The following SHISA9 variants were observed in gnomAD, a reference collection of about 807,000 sequenced individuals.
SHISA9 encodes shisa family member 9.
In SHISA9, 13 loss-of-function variants were observed where a neutral mutation model predicts 38.0. That is an observed-to-expected ratio of 0.34 (90% CI 0.22 to 0.54). The LOEUF is 0.54. Ranked by LOEUF, SHISA9 falls within the 20% of genes least tolerant of loss-of-function variation. The probability of loss-of-function intolerance (pLI) is 0.91; values close to 1 mark genes in which losing one functional copy is unlikely to be tolerated. For missense variants in SHISA9, 538 were observed against 575.8 expected (o/e 0.93, Z 0.67); for synonymous variants, 275 against 242.0 (o/e 1.14, Z -1.27).
the SHISA9 span, among the ~76,000 whole-genome samples, chr16:13,316,221 G>T: frequency 6.6e-6 from 1 of 152,134 alleles, no homozygotes; most frequent in African/African-American, 2.4e-5. Flanking sequence ...GTGGCTTTGT[G>T]TTGGAAATTG....
intron 2 of SHISA9, among the ~76,000 whole-genome samples, chr16:13,038,174 G>A (rs1197074401): frequency 6.6e-6 from 1 of 152,132 alleles, no homozygotes; most frequent in Non-Finnish European, 1.5e-5. Flanking sequence ...ATTTTTAGTA[G>A]AGACAGGGTT....
At chr16:13,166,229 T>A (rs1029006710) in intron 2 of SHISA9, among the ~76,000 whole-genome samples, 2 of 152,212 alleles carry the variant, frequency 1.3e-5, no homozygotes, top group African/African-American at 4.8e-5. Context: ...ACGTCAGACT[T>A]CTAAGAGTTT....
At chr16:13,551,795 G>A in the SHISA9 span, among the ~76,000 whole-genome samples, 11 of 152,296 alleles carry the variant, frequency 7.2e-5, no homozygotes, top group Admixed American at 3.3e-4. Flanking sequence ...TTGGGAGGCC[G>A]AGGTGGGCAG....
At chr16:13,377,921 T>A in the SHISA9 span, among the ~76,000 whole-genome samples, 2 of 152,128 alleles carry the variant, frequency 1.3e-5, no homozygotes, top group Admixed American at 1.3e-4. Flanking sequence ...TAGTCCCAGC[T>A]ACCTGGGAGG....
At chr16:13,434,419 G>GTTTTTTTTTTTTGTTTT in the SHISA9 span, among the ~76,000 whole-genome samples, 1 of 64,566 alleles carries the variant, frequency 1.5e-5, no homozygotes, top group Non-Finnish European at 3.2e-5. Context: ...GACAAGCTAT[G>GTTTTTTTTTTTTGTTTT]TTTTTTTTTT....
chr16:13,114,442 G>T (rs897548669), intron 2 of SHISA9, among the ~76,000 whole-genome samples: 1 of 147,692 alleles, frequency 6.8e-6, no homozygotes, highest in Non-Finnish European at 1.5e-5. Flanking sequence ...CTCCAGCCTG[G>T]GTGGCAGAGT....
the SHISA9 span, among the ~76,000 whole-genome samples, chr16:13,400,315 C>T: frequency 3.3e-5 from 5 of 151,870 alleles, no homozygotes; most frequent in South Asian, 2.1e-4. Flanking sequence ...TTGATAGCAC[C>T]CTGCTAATTT....
At chr16:13,533,536 C>T in the SHISA9 span, among the ~76,000 whole-genome samples, 1 of 152,098 alleles carries the variant, frequency 6.6e-6, no homozygotes, top group African/African-American at 2.4e-5. Context: ...ACCATCCTCT[C>T]GTATAAGGAC....
chr16:13,191,717 T>C (rs1370978090), intron 2 of SHISA9, among the ~76,000 whole-genome samples: 1 of 152,178 alleles, frequency 6.6e-6, no homozygotes, highest in East Asian at 1.9e-4. Flanking sequence ...GTGCTGTCTG[T>C]GGAGAGAGAG....
the SHISA9 span, among the ~76,000 whole-genome samples, chr16:13,380,372 TA>T: frequency 1.1e-4 from 16 of 152,110 alleles, no homozygotes; most frequent in African/African-American, 3.9e-4. Flanking sequence ...TTCAATGCTT[TA>T]AAAGAGAGAA....
At chr16:13,457,859 G>T in the SHISA9 span, among the ~76,000 whole-genome samples, 1 of 151,918 alleles carries the variant, frequency 6.6e-6, no homozygotes, top group Non-Finnish European at 1.5e-5. Flanking sequence ...AGTAAATATG[G>T]CTAGGACCTC....
chr16:13,265,543 C>G, the SHISA9 span, among the ~76,000 whole-genome samples: 2 of 123,904 alleles, frequency 1.6e-5, no homozygotes, highest in Non-Finnish European at 3.4e-5. Flanking sequence ...CCTTCCCTTC[C>G]CCGCCCTTCC....
At chr16:13,143,035 T>G (rs982081665) in intron 2 of SHISA9, among the ~76,000 whole-genome samples, 7 of 147,026 alleles carry the variant, frequency 4.8e-5, no homozygotes, top group Non-Finnish European at 1.1e-4. Context: ...AGACAGAGTT[T>G]TGCTCTTGTT....
the SHISA9 span, among the ~76,000 whole-genome samples, chr16:13,273,691 T>G: frequency 6.6e-6 from 1 of 152,148 alleles, no homozygotes; most frequent in African/African-American, 2.4e-5. Context: ...ACTCTTTGTC[T>G]GTTAAATGGG....
the SHISA9 span, among the ~76,000 whole-genome samples, chr16:13,260,124 C>G: frequency 3.8e-4 from 53 of 138,774 alleles, no homozygotes; most frequent in African/African-American, 1.2e-3. Flanking sequence ...TCATGCCATT[C>G]TCCTGCCTCA....
At chr16:13,104,079 T>G (rs1219507372) in intron 2 of SHISA9, among the ~76,000 whole-genome samples, 1 of 152,182 alleles carries the variant, frequency 6.6e-6, no homozygotes, top group Non-Finnish European at 1.5e-5. Flanking sequence ...CCTCATTTCT[T>G]TCTTTTGTGA....
chr16:13,006,078 G>A (rs772641182), intron 2 of SHISA9, among the ~76,000 whole-genome samples: 6 of 152,280 alleles, frequency 3.9e-5, no homozygotes, highest in East Asian at 1.9e-4. Flanking sequence ...ACACACACAC[G>A]CGCACACTCT....
chr16:13,053,206 G>A (rs996404555), intron 2 of SHISA9, among the ~76,000 whole-genome samples: 4 of 151,406 alleles, frequency 2.6e-5, no homozygotes, highest in African/African-American at 9.8e-5. Context: ...CCGGTGATCC[G>A]CCCACCTCGG....
At position 12,999,700 on chromosome 16, in the gene SHISA9, G is replaced by T. The variant is rs544435925; in HGVS notation, c.691+82885G>T. On this transcript the variant is annotated intron_variant, in intron 2 of 4. Transcript: ENST00000558583. ...AGCCTAAAATATCCTATGGCACCAG[G>T]GTGAGTTTATGGTGATGCCCCAACA... is the stretch of plus-strand genomic sequence containing the variant. 1.3e-3 allele frequency among the ~76,000 whole-genome samples: 192 copies of T among 152,300 alleles called. 3 individuals are homozygous for T. In the South Asian group the frequency reaches 0.033, roughly 26 times the overall value.
Sources: gnomAD v4.1 joint callset for allele counts (sites outside exome capture counted in the v4.1 genomes callset) on GRCh38, gnomAD v4.1.1 for gene constraint, MANE v1.5 for transcripts, NCBI Gene and HGNC (gene_info 2026-07-23, HGNC 2026-07-21) for gene names.